CNTN5: variants seen among roughly 807,000 people sequenced by gnomAD.
CNTN5 encodes the protein contactin 5.
CNTN5 carries 77 observed loss-of-function variants against 129.1 expected under a neutral mutation model. The ratio of observed to expected loss-of-function variants is 0.60; its 90% confidence interval spans 0.50 to 0.72. The LOEUF is 0.72. Among genes scored for constraint, CNTN5 ranks in the 30% least tolerant of loss-of-function variants. CNTN5 has a pLI of 0.00. For synonymous variants in CNTN5, 509 were observed against 465.6 expected (o/e 1.09, Z -1.20); for missense variants, 1,478 against 1,328.8 (o/e 1.11, Z -1.75).
chr11:99,162,242 G>A (rs1327604948), intron 1 of CNTN5, among the ~76,000 whole-genome samples: 2 of 151,630 alleles, frequency 1.3e-5, no homozygotes, highest in African/African-American at 2.4e-5. Context: ...TAAAACACCA[G>A]GAAGAGAAAG....
intron 2 of CNTN5, among the ~76,000 whole-genome samples, chr11:99,349,088 G>C (rs532437039): frequency 6.6e-6 from 1 of 152,234 alleles, no homozygotes; most frequent in East Asian, 1.9e-4. Flanking sequence ...ATAGAGAAAC[G>C]TGAACAAGAA....
intron 8 of CNTN5, among the ~76,000 whole-genome samples, chr11:99,996,575 T>A (rs1209147971): frequency 6.6e-6 from 1 of 152,166 alleles, no homozygotes; most frequent in Non-Finnish European, 1.5e-5. Flanking sequence ...CTCTCTCCTA[T>A]CTTTTTTCCA....
intron 6 of CNTN5, among the ~76,000 whole-genome samples, chr11:99,875,617 C>A (rs539630386): frequency 6.6e-6 from 1 of 152,072 alleles, no homozygotes; most frequent in Admixed American, 6.6e-5. Context: ...CTCAGATATA[C>A]CTCCCTAATC....
At position 99,141,460 on chromosome 11, in the gene CNTN5, G is replaced by A. The variant is rs79017340; in HGVS notation, c.-210+120190G>A. ...TATCAATCTTATTCATTCAAAGAAC[G>A]AACTTTGGATTTCATTGATCTTTTG... On this transcript the variant is annotated intron_variant, in intron 1 of 24. Coordinates refer to ENST00000524871, the MANE Select transcript of CNTN5 (RefSeq NM_014361.4). Among the ~76,000 whole-genome samples the A allele has an allele frequency of 6.0e-3, 912 of 152,000 alleles. 15 individuals carry two copies. The highest frequency in any genetic ancestry group is 0.02 in the African/African-American group (845 of 41,476).
intron 13 of CNTN5, among the ~76,000 whole-genome samples, chr11:100,099,212 A>T (rs1169242736): frequency 6.6e-6 from 1 of 152,134 alleles, no homozygotes. Context: ...GCCCAAGTTC[A>T]CACAGAAAGT....
intron 2 of CNTN5, among the ~76,000 whole-genome samples, chr11:99,382,655 C>T (rs1057422034): frequency 6.6e-6 from 1 of 151,910 alleles, no homozygotes. Context: ...GACTTGAACT[C>T]CTGAGACTTA....
chr11:99,878,492 C>T (rs978239156), intron 6 of CNTN5, among the ~76,000 whole-genome samples: 9 of 152,134 alleles, frequency 5.9e-5, no homozygotes, highest in African/African-American at 2.2e-4. Flanking sequence ...GTAAAAAAAA[C>T]TACAGGTAAA....
intron 3 of CNTN5, among the ~76,000 whole-genome samples, chr11:99,615,974 AATTTGC>A (rs777166651): frequency 9.2e-5 from 14 of 151,944 alleles, no homozygotes; most frequent in Non-Finnish European, 1.9e-4. Flanking sequence ...GGGCTCAAGT[AATTTGC>A]ACTCCTCGGC....
chr11:99,979,627 C>T (rs192193617), intron 8 of CNTN5, among the ~76,000 whole-genome samples: 14 of 152,172 alleles, frequency 9.2e-5, no homozygotes, highest in South Asian at 4.1e-4. Context: ...TGTCCTAGTA[C>T]CCAAAATAAC....
chr11:100,181,099 AC>A (rs1948127322), intron 13 of CNTN5, among the ~76,000 whole-genome samples: 1 of 152,060 alleles, frequency 6.6e-6, no homozygotes, highest in African/African-American at 2.4e-5. Context: ...AAATATCTGT[AC>A]ATCAATGCTT....
Position 99,665,104 on chromosome 11 carries a change from C to G in CNTN5, c.55+108835C>G, listed in dbSNP as rs886284527. On this transcript the variant is annotated intron_variant, in intron 3 of 24. Coordinates refer to ENST00000524871, the MANE Select transcript of CNTN5 (RefSeq NM_014361.4). ...TTCGCTATAAGAAGGATTTCATTTT[C>G]AGAAGTGTAAAAATGTGAATAATAG... Among the ~76,000 whole-genome samples, 4 of 152,062 alleles carry G rather than the reference C, an allele frequency of 2.6e-5. No individual in the cohort carries two copies. The East Asian group carries it at 7.7e-4, about 29-fold the overall frequency.
chr11:100,000,110 A>C (rs760479528), intron 8 of CNTN5, among the ~76,000 whole-genome samples: 96 of 152,136 alleles, frequency 6.3e-4, no homozygotes, highest in Admixed American at 1.0e-3. Flanking sequence ...GTACATATGT[A>C]ACTAACCTGC....
chr11:100,346,023 TA>T (rs1952270849), intron 23 of CNTN5, among the ~76,000 whole-genome samples: 1 of 152,182 alleles, frequency 6.6e-6, no homozygotes, highest in Non-Finnish European at 1.5e-5. Flanking sequence ...TTCAGGTCAA[TA>T]AACATGTGCC....
intron 1 of CNTN5, among the ~76,000 whole-genome samples, chr11:99,127,337 C>A (rs1235621544): frequency 6.6e-6 from 1 of 152,120 alleles, no homozygotes; most frequent in African/African-American, 2.4e-5. Context: ...CAGCCACAAA[C>A]CTGGATGTCA....
intron 3 of CNTN5, among the ~76,000 whole-genome samples, chr11:99,702,980 G>A (rs1017863843): frequency 1.3e-5 from 2 of 150,762 alleles, no homozygotes; most frequent in East Asian, 1.9e-4. Flanking sequence ...AAGATACTTC[G>A]ATACACTGAG....
intron 3 of CNTN5, among the ~76,000 whole-genome samples, chr11:99,675,952 T>C (rs182049400): frequency 9.9e-5 from 15 of 152,218 alleles, no homozygotes; most frequent in Admixed American, 2.6e-4. Context: ...CTTTGAAAAA[T>C]ACAAAATTCT....
intron 2 of CNTN5, among the ~76,000 whole-genome samples, chr11:99,388,982 C>CTTATTTTATTTTATTTTATT (rs527528323): frequency 0.043 from 5,205 of 120,344 alleles, 242 homozygotes; most frequent in South Asian, 0.092. Flanking sequence ...TTCTCCAGTC[C>CTTATTTTATTTTATTTTATT]TTATTTTATT....
intron 2 of CNTN5, among the ~76,000 whole-genome samples, chr11:99,506,906 G>A (rs931931486): frequency 6.6e-6 from 1 of 151,940 alleles, no homozygotes; most frequent in Non-Finnish European, 1.5e-5. Flanking sequence ...TATTATATGA[G>A]TGGAGACAAT....
rs1273447661 is a variant in CNTN5, at chr11:99,856,370, T to G, written c.577+11108T>G. On this transcript the variant is annotated intron_variant, in intron 6 of 24. Transcript: ENST00000524871. ...TGAGTCTGTGTAGAGAGGCTCAGAT[T>G]AGATACACCTTATCTTTCACAACTT... is the stretch of plus-strand genomic sequence containing the variant. Among the ~76,000 whole-genome samples the G allele has an allele frequency of 2.0e-5, 3 of 152,176 alleles. No homozygotes were observed. In the East Asian group the frequency reaches 5.8e-4, roughly 29 times the overall value.
Sources: allele counts gnomAD v4.1 joint callset (sites outside exome capture counted in the v4.1 genomes callset), GRCh38; gene constraint gnomAD v4.1.1; transcripts MANE v1.5; gene names NCBI Gene and HGNC (gene_info 2026-07-23, HGNC 2026-07-21).